Variants in PAX5 observed in about 807,000 individuals in gnomAD.
The protein encoded by PAX5 is paired box protein Pax-5.
Under a neutral mutation model 43.7 loss-of-function variants are expected in PAX5, and 9 were observed. The observed-to-expected ratio is 0.21, with a 90% confidence interval of 0.12 to 0.36. PAX5 has a LOEUF of 0.36. Among genes scored for constraint, PAX5 ranks in the 10% least tolerant of loss-of-function variants. PAX5 has a pLI of 1.00. For synonymous variants in PAX5, 228 were observed against 214.3 expected, an observed-to-expected ratio of 1.06 and a Z score of -0.56; for missense variants, 383 against 532.7, an observed-to-expected ratio of 0.72 and a Z score of 2.77.
rs925820604 is a variant in PAX5, at chr9:36,833,579, C to G, written c.*6981G>C. 5.1e-5 allele frequency: 12 copies of G among 233,076 alleles called. No homozygotes were observed. In the Admixed American group the frequency reaches 6.2e-4, roughly 12 times the overall value. The allele number at this position is 233,076 out of a possible 1,614,324, so 14.4% of individuals were successfully genotyped here. On this transcript the variant is annotated 3_prime_UTR_variant, in exon 10 of 10. Transcript: ENST00000358127. The stretch of plus-strand genomic sequence containing the variant: ...ACCCCTGTTTTCTCCCAAGTCCCAC[C>G]CCTAGCCCTGCCCTCCTCCCCAAAA...
At chr9:37,033,115 C>T (rs1170470354) in intron 1 of PAX5, among the ~76,000 whole-genome samples, 2 of 152,224 alleles carry the variant, frequency 1.3e-5, no homozygotes, top group South Asian at 2.1e-4. Context: ...TACAGGTGTC[C>T]GCTGTCATCT....
intron 7 of PAX5, among the ~76,000 whole-genome samples, chr9:36,921,231 T>C (rs1830148417): frequency 6.6e-6 from 1 of 152,220 alleles, no homozygotes; most frequent in African/African-American, 2.4e-5. Flanking sequence ...GATAAGCCTA[T>C]AACATCTTCT....
chr9:36,978,798 T>A (rs1208965123), intron 5 of PAX5, among the ~76,000 whole-genome samples: 1 of 152,170 alleles, frequency 6.6e-6, no homozygotes, highest in African/African-American at 2.4e-5. Flanking sequence ...GGAGAAGATA[T>A]CAGGCCATTT....
chr9:36,850,561 C>A (rs889387119), intron 8 of PAX5, among the ~76,000 whole-genome samples: 1 of 152,212 alleles, frequency 6.6e-6, no homozygotes, highest in Non-Finnish European at 1.5e-5. Flanking sequence ...CAAGGGACAC[C>A]ACGGGCCCTT....
At chr9:37,026,110 C>T (rs776117803) in intron 1 of PAX5, among the ~76,000 whole-genome samples, 17 of 152,266 alleles carry the variant, frequency 1.1e-4, no homozygotes, top group Non-Finnish European at 2.5e-4. Context: ...CTCCAAGCGC[C>T]AGTCTGGATC....
At chr9:36,979,518 A>G (rs577957638) in intron 5 of PAX5, among the ~76,000 whole-genome samples, 4 of 152,352 alleles carry the variant, frequency 2.6e-5, no homozygotes, top group Admixed American at 2.0e-4. Flanking sequence ...CCTCAAATAC[A>G]TATTCCTGTG....
At chr9:36,932,702 G>C (rs906531092) in intron 6 of PAX5, among the ~76,000 whole-genome samples, 4 of 152,086 alleles carry the variant, frequency 2.6e-5, no homozygotes, top group Non-Finnish European at 5.9e-5. Flanking sequence ...CACTTACAAT[G>C]AGTGAATTTT....
At chr9:36,842,298 G>A (rs756019231) in intron 9 of PAX5, among the ~76,000 whole-genome samples, 9 of 152,228 alleles carry the variant, frequency 5.9e-5, no homozygotes, top group Non-Finnish European at 1.0e-4. Context: ...GGTGAGCCCA[G>A]AGGAAGGCGG....
chr9:36,938,427 T>G (rs1254217506), intron 6 of PAX5, among the ~76,000 whole-genome samples: 1 of 152,152 alleles, frequency 6.6e-6, no homozygotes, highest in Non-Finnish European at 1.5e-5. Context: ...ACTCCTGATT[T>G]TATTTCCTTC....
At chr9:37,020,479 C>T (rs1452025038) in intron 2 of PAX5, among the ~76,000 whole-genome samples, 157 bp downstream of exon 2, 2 of 152,138 alleles carry the variant, frequency 1.3e-5, no homozygotes, top group African/African-American at 2.4e-5. Flanking sequence ...CCAAGGGCTA[C>T]TTGGAATTGG....
chr9:36,956,009 G>T (rs892349243), intron 6 of PAX5, among the ~76,000 whole-genome samples: 2 of 151,944 alleles, frequency 1.3e-5, no homozygotes, highest in African/African-American at 4.8e-5. Context: ...TCAAACTTCC[G>T]ACACACCCTC....
At chr9:36,858,424 C>T (rs934384537) in intron 8 of PAX5, among the ~76,000 whole-genome samples, 4 of 152,210 alleles carry the variant, frequency 2.6e-5, no homozygotes, top group Admixed American at 2.0e-4. Flanking sequence ...TCAGTTTCCC[C>T]AAATGGACAA....
chr9:36,849,005 G>T (rs561867419), intron 8 of PAX5, among the ~76,000 whole-genome samples: 2 of 152,316 alleles, frequency 1.3e-5, no homozygotes, highest in African/African-American at 4.8e-5. Flanking sequence ...TGAATGTAGA[G>T]GTCCTTGGCT....
chr9:36,949,990 C>T (rs1435441816), intron 6 of PAX5, among the ~76,000 whole-genome samples: 4 of 152,234 alleles, frequency 2.6e-5, no homozygotes, highest in Non-Finnish European at 5.9e-5. Context: ...CCTTAATCTC[C>T]ATTCCCCAGC....
At chr9:36,924,273 T>C (rs1830409009) in intron 6 of PAX5, among the ~76,000 whole-genome samples, 1 of 152,224 alleles carries the variant, frequency 6.6e-6, no homozygotes, top group South Asian at 2.1e-4. Flanking sequence ...CAATGAGTCA[T>C]TTCCTTGTCA....
intron 7 of PAX5, among the ~76,000 whole-genome samples, chr9:36,889,941 CGGG>C (rs68091267): frequency 3.3e-4 from 30 of 92,186 alleles, no homozygotes; most frequent in Middle Eastern, 6.3e-3. Context: ...TGTACACTAA[CGGG>C]GGGGGGGGGA....
rs139259479 is a variant in PAX5, at chr9:36,983,795, A to G, written c.605-17071T>C. On this transcript the variant is annotated intron_variant, in intron 5 of 9. Coordinates refer to ENST00000358127, the MANE Select transcript of PAX5 (RefSeq NM_016734.3). ...AGCTGGGGTTACACAATTTAAAATC[A>G]CTATATATGATTCCAAGGCGCCTCC... Among the ~76,000 whole-genome samples the G allele has an allele frequency of 2.8e-3, 431 of 152,270 alleles. 2 individuals are homozygous for G. The highest frequency in any genetic ancestry group is 9.7e-3 in the African/African-American group (404 of 41,542).
intron 8 of PAX5, among the ~76,000 whole-genome samples, chr9:36,848,320 C>T (rs1338588554): frequency 6.7e-6 from 1 of 148,336 alleles, no homozygotes; most frequent in Non-Finnish European, 1.5e-5. Context: ...CTGGCTTCCC[C>T]CGCACCTCAC....
At chr9:36,842,653 T>A (rs540528109) in intron 9 of PAX5, among the ~76,000 whole-genome samples, 114 of 152,332 alleles carry the variant, frequency 7.5e-4, no homozygotes, top group African/African-American at 2.7e-3. Flanking sequence ...CTAATTCACA[T>A]TATGGTCAAT....
Sources: gnomAD v4.1 joint callset for allele counts (sites outside exome capture counted in the v4.1 genomes callset) on GRCh38, gnomAD v4.1.1 for gene constraint, MANE v1.5 for transcripts, NCBI Gene and HGNC (gene_info 2026-07-23, HGNC 2026-07-21) for gene names.